MPV17L: variants seen among roughly 807,000 people sequenced by gnomAD.
The protein encoded by MPV17L is MPV17 mitochondrial inner membrane protein like, also known as mpv17-like protein.
Under a neutral mutation model 25.8 loss-of-function variants are expected in MPV17L, and 24 were observed. The observed-to-expected ratio is 0.93, with a 90% CI of 0.67 to 1.31. The LOEUF is 1.31. Among genes scored for constraint, MPV17L ranks in the 50% most tolerant of loss-of-function variants. The pLI, the probability that MPV17L is intolerant of heterozygous loss-of-function variation, is 0.00. For missense variants in MPV17L, 250 were observed against 265.6 expected (o/e 0.94, Z 0.41); for synonymous variants, 102 against 115.3 (o/e 0.88, Z 0.74).
At chr16:15,405,220 C>G (rs1226756958) in intron 2 of MPV17L, among the ~76,000 whole-genome samples, 1 of 151,396 alleles carries the variant, frequency 6.6e-6, no homozygotes. Flanking sequence ...TACATTCTGA[C>G]AAGAAAAAAA....
At chr16:15,400,743 A>T in intron 1 of MPV17L, 44 bp from the exon 2 acceptor site, 1 of 1,354,042 alleles carries the variant, frequency 7.4e-7, no homozygotes. Flanking sequence ...GTTATACGGT[A>T]CTCTACTGAA....
intron 2 of MPV17L, 41 bp downstream of exon 2, chr16:15,400,898 GTATATATGTA>G (rs1567430977): frequency 1.6e-6 from 2 of 1,248,424 alleles, no homozygotes; most frequent in East Asian, 2.6e-5. Context: ...ATATTTTTGT[GTATATATGTA>G]TATATATGTG....
intron 2 of MPV17L, among the ~76,000 whole-genome samples, chr16:15,404,795 C>T (rs1386849394): frequency 6.6e-6 from 1 of 152,130 alleles, no homozygotes; most frequent in Non-Finnish European, 1.5e-5. Context: ...GCACTCCAGC[C>T]TGGGTGACAG....
chr16:15,396,883 A>G (rs1418758000), intron 1 of MPV17L, among the ~76,000 whole-genome samples: 2 of 151,902 alleles, frequency 1.3e-5, no homozygotes, highest in African/African-American at 4.8e-5. Context: ...AGGACTATAT[A>G]CCTGTGAGGG....
At chr16:15,403,144 T>C (rs1598425131) in intron 2 of MPV17L, among the ~76,000 whole-genome samples, 1 of 139,784 alleles carries the variant, frequency 7.2e-6, no homozygotes, top group African/African-American at 2.7e-5. Flanking sequence ...TGGAGGCGGG[T>C]AGATCACAAG....
intron 1 of MPV17L, among the ~76,000 whole-genome samples, chr16:15,396,622 A>G (rs953179881): frequency 6.6e-6 from 1 of 152,066 alleles, no homozygotes; most frequent in African/African-American, 2.4e-5. Flanking sequence ...AGCTGCAATG[A>G]CCGTGAACCA....
intron 1 of MPV17L, 105 bp downstream of exon 1, chr16:15,396,312 G>A: frequency 2.8e-6 from 4 of 1,407,364 alleles, no homozygotes; most frequent in Non-Finnish European, 3.8e-6. Flanking sequence ...CAGGAGCCTG[G>A]GGACCCGGGC....
Position 15,395,906 on chromosome 16 carries a change from C to T in MPV17L, c.9C>T (p.Gly3=). The change falls in exon 1 of 4, where the codon GGC becomes GGT. Residue 3 remains glycine, a synonymous_variant. Coordinates refer to ENST00000396385, the MANE Select transcript of MPV17L (RefSeq NM_001128423.2). ...GCGCCCACAGCGCGGACATGGCGGG[C>T]TGGTGGCCGGCGTTGTCGCGCGCGG... is the stretch of plus-strand genomic sequence containing the variant. The part of the protein sequence containing the change: MA[G]WWPALSRAAR... 5 of 1,408,266 alleles carry T rather than the reference C, an allele frequency of 3.6e-6. No homozygotes were observed. The highest frequency in any genetic ancestry group is 4.6e-6 in the Non-Finnish European group (5 of 1,093,544). The allele number at this position is 1,408,266 out of a possible 1,614,324, so 87.2% of individuals were successfully genotyped here.
chr16:15,407,544 C>T (rs2150908198), intron 2 of MPV17L, among the ~76,000 whole-genome samples: 1 of 151,954 alleles, frequency 6.6e-6, no homozygotes, highest in East Asian at 1.9e-4. Flanking sequence ...GAGTTCGAGA[C>T]CAGCCTGGCC....
At chr16:15,398,041 C>G (rs1463263598) in intron 1 of MPV17L, among the ~76,000 whole-genome samples, 1 of 151,988 alleles carries the variant, frequency 6.6e-6, no homozygotes, top group Non-Finnish European at 1.5e-5. Context: ...AGATTGTTCT[C>G]TTTTTCTTCT....
rs1282991869 is a variant in MPV17L at position 15,412,810 on chromosome 16, G to T, written c.*4698G>T. On this transcript the variant is annotated 3_prime_UTR_variant, in exon 4 of 4. Transcript: ENST00000396385. ...TTAGCCAGGATGGTCTCAACCTCCT[G>T]ACCTCGTGATCTGCCTGCCTCTGCC... is the stretch of plus-strand genomic sequence containing the variant. 5 of 150,512 alleles carry T rather than the reference G, an allele frequency of 3.3e-5. No homozygotes were observed. Among genetic ancestry groups the T allele is most frequent in the African/African-American group, 4.9e-5 (2 of 40,902 alleles). The allele number at this position is 150,512 out of a possible 1,614,324, so 9.3% of individuals were successfully genotyped here.
chr16:15,396,927 G>A (rs926066363), intron 1 of MPV17L, among the ~76,000 whole-genome samples: 8 of 152,074 alleles, frequency 5.3e-5, no homozygotes, highest in African/African-American at 1.7e-4. Context: ...AATCCGACCC[G>A]GGCCTGGGGT....
intron 2 of MPV17L, among the ~76,000 whole-genome samples, chr16:15,403,709 A>T (rs1424773168): frequency 2.0e-5 from 3 of 151,720 alleles, no homozygotes; most frequent in African/African-American, 7.2e-5. Flanking sequence ...TAGAATTGGG[A>T]AAGAAGCTTC....
In MPV17L at chr16:15,396,089, C is replaced by G. The variant is rs1219791089; in HGVS notation, c.192C>G (p.Tyr64Ter). ...LVVTFHANFN[Y>*]VWLRLLERAL... is the part of the protein sequence containing the mutation. ...TGACCTTCCACGCCAACTTCAACTA[C>G]GTGTGGCTGCGCCTGCTGGAGCGCG... Residue 64 changes from tyrosine to a stop codon, truncating the protein, a stop_gained, in exon 1 of 4, where the codon TAC (tyrosine) becomes TAG (stop). Transcript: ENST00000396385. LOFTEE classifies it high-confidence loss of function. The G allele has an allele frequency of 1.2e-5, 18 of 1,545,158 alleles. No individual in the cohort carries two copies. The highest frequency in any genetic ancestry group is 1.6e-5 in the Non-Finnish European group (18 of 1,147,534).
intron 1 of MPV17L, among the ~76,000 whole-genome samples, chr16:15,397,509 G>A (rs923062663): frequency 2.6e-5 from 4 of 152,138 alleles, no homozygotes; most frequent in African/African-American, 9.7e-5. Flanking sequence ...TCACAGGAGG[G>A]GCCCTGTGGC....
chr16:15,401,080 ATATATATTTTTTTTTTTTT>A (rs1217717734), intron 2 of MPV17L, among the ~76,000 whole-genome samples: 1 of 33,104 alleles, frequency 3.0e-5, no homozygotes, highest in Non-Finnish European at 6.7e-5. Flanking sequence ...ATATATATAT[ATATATATTTTTTTTTTTTT>A]TTTTTTTTTT....
rs1379817067 is a variant in MPV17L, at chr16:15,396,174, G to T, written c.277G>T (p.Gly93Cys). Residue 93 changes from glycine (G) to cysteine (C), a missense_variant, in exon 1 of 4, where the codon GGT becomes TGT. Gly to Cys is a radical substitution (Grantham distance 159). Coordinates refer to ENST00000396385, the MANE Select transcript of MPV17L (RefSeq NM_001128423.2). ...LAKLLCDQVV[G>C]APIAVSAFYV... is the part of the protein sequence containing the mutation. ...CAAGTTGCTGTGCGACCAGGTGGTC[G>T]GTGCGCCCATCGCGGTCTCGGCCTT... 1.4e-5 allele frequency: 21 copies of T among 1,550,234 alleles called. No homozygotes were observed. Among genetic ancestry groups the T allele is most frequent in the Non-Finnish European group, 1.8e-5 (21 of 1,147,818 alleles).
At position 15,412,430 on chromosome 16, in the gene MPV17L, TA is replaced by T. The variant is rs11334112; in HGVS notation, c.*4333del. ...GGGCAACAGAGCAAGACTGTGTCTA[TA>T]AAAAAAAAAAAAAAGAAAGAAAAGT... is the stretch of plus-strand genomic sequence containing the variant. On this transcript the variant is annotated 3_prime_UTR_variant, in exon 4 of 4. Coordinates refer to ENST00000396385, the MANE Select transcript of MPV17L (RefSeq NM_001128423.2). 108,453 of 141,486 alleles carry T rather than the reference TA, an allele frequency of 0.77. 41,626 individuals carry two copies. Among genetic ancestry groups the T allele is most frequent in the Non-Finnish European group, 0.83 (54,642 of 65,608 alleles). 8.8% of individuals were successfully genotyped at this position (141,486 alleles called of 1,614,324 possible).
rs2050702864 is a variant in MPV17L, at chr16:15,408,566, C to G, written c.*454C>G. On this transcript the variant is annotated 3_prime_UTR_variant, in exon 4 of 4. Coordinates refer to ENST00000396385, the MANE Select transcript of MPV17L (RefSeq NM_001128423.2). ...AGATTTAATAACCAGATTTCTTTCT[C>G]CAAAACATACACAATTTGTTATTTT... The G allele has an allele frequency of 6.6e-6, 1 of 151,084 alleles. No individual in the cohort carries two copies. The highest frequency in any genetic ancestry group is 1.5e-5 in the Non-Finnish European group (1 of 68,228). 9.4% of individuals were successfully genotyped at this position (151,084 alleles called of 1,614,324 possible). A position where few individuals can be genotyped will look rare whatever the true frequency, so the allele number is the denominator to read the frequency against.
Sources: allele counts gnomAD v4.1 joint callset (sites outside exome capture counted in the v4.1 genomes callset), GRCh38; gene constraint gnomAD v4.1.1; transcripts MANE v1.5; gene names NCBI Gene and HGNC (gene_info 2026-07-23, HGNC 2026-07-21).